The following SFXN5 variants were observed in gnomAD, a reference collection of about 807,000 sequenced individuals.
The protein encoded by SFXN5 is sideroflexin 5, also known as sideroflexin-5.
In SFXN5, 43 loss-of-function variants were observed where a neutral mutation model predicts 50.2. The observed-to-expected ratio is 0.86, with a 90% CI of 0.67 to 1.11. The LOEUF is 1.11. SFXN5 is among the 50% of genes least tolerant of loss of function. SFXN5 has a pLI of 0.00. For missense variants in SFXN5, 463 were observed against 454.1 expected, an observed-to-expected ratio of 1.02 and a Z score of -0.18; for synonymous variants, 203 against 185.8, an observed-to-expected ratio of 1.09 and a Z score of -0.75.
chr2:72,952,532 A>G (rs1672649423), intron 13 of SFXN5, among the ~76,000 whole-genome samples: 1 of 152,184 alleles, frequency 6.6e-6, no homozygotes. Flanking sequence ...GTGGGCAAGA[A>G]TCCTGTCTTA....
At chr2:72,982,256 G>A (rs1467956716) in intron 10 of SFXN5, among the ~76,000 whole-genome samples, 2 of 147,852 alleles carry the variant, frequency 1.4e-5, no homozygotes, top group African/African-American at 4.9e-5. Context: ...GGATGATCTG[G>A]AAAGGGGTGG....
chr2:73,040,886 C>T lies in SFXN5; in HGVS notation c.217G>A (p.Gly73Arg), dbSNP rs1490741624. 6.2e-7 allele frequency: 1 copy of T among 1,613,138 alleles called. No individual in the cohort carries two copies. Among genetic ancestry groups the T allele is most frequent in the Non-Finnish European group, 8.5e-7 (1 of 1,179,660 alleles). Residue 73 changes from glycine to arginine, a missense_variant, in exon 3 of 14, where the codon GGG (glycine) becomes AGG (arginine). By Grantham distance (125) the Gly-to-Arg change is moderately radical. Transcript: ENST00000272433. ...TTGGTGACCCCCGGGCGCAGGGTCCCATGCTTATAGTCCTCCAGCAGCTGC... is the reference window on the plus strand; with the variant it reads ...TTGGTGACCCCCGGGCGCAGGGTCCTATGCTTATAGTCCTCCAGCAGCTGC... ...AVQLLEDYKH[G>R]TLRPGVTNEQ... is the part of the protein sequence containing the mutation.
intron 6 of SFXN5, among the ~76,000 whole-genome samples, chr2:73,008,827 T>G (rs1407788301): frequency 6.6e-6 from 1 of 152,200 alleles, no homozygotes; most frequent in Non-Finnish European, 1.5e-5. Context: ...AATGTTAAGC[T>G]TAAAATAAGA....
At chr2:72,955,284 G>A (rs990548726) in intron 13 of SFXN5, among the ~76,000 whole-genome samples, 7 of 151,838 alleles carry the variant, frequency 4.6e-5, no homozygotes, top group African/African-American at 1.2e-4. Flanking sequence ...TCGCCCGCCC[G>A]CCGCCCGCCC....
intron 3 of SFXN5, among the ~76,000 whole-genome samples, chr2:73,035,587 C>T (rs895162303): frequency 1.1e-4 from 17 of 150,988 alleles, no homozygotes; most frequent in African/African-American, 4.1e-4. Context: ...GCAACCTCCA[C>T]CTCCTGGGTT....
intron 6 of SFXN5, among the ~76,000 whole-genome samples, chr2:73,008,627 G>T (rs1022567295): frequency 6.6e-6 from 1 of 152,200 alleles, no homozygotes; most frequent in Non-Finnish European, 1.5e-5. Context: ...GGGGAAACCT[G>T]GGAAGGGAGA....
chr2:73,018,477 G>A (rs1006314003), intron 6 of SFXN5, among the ~76,000 whole-genome samples: 1 of 152,044 alleles, frequency 6.6e-6, no homozygotes, highest in African/African-American at 2.4e-5. Context: ...CACAAAGACT[G>A]TATTAACAGT....
intron 10 of SFXN5, among the ~76,000 whole-genome samples, chr2:72,982,744 G>A (rs1234686414): frequency 1.3e-5 from 2 of 152,198 alleles, no homozygotes; most frequent in East Asian, 3.9e-4. Flanking sequence ...CCTGGTAGTC[G>A]AGGGAGGGCA....
intron 13 of SFXN5, among the ~76,000 whole-genome samples, chr2:72,947,405 G>T (rs888643671): frequency 6.6e-6 from 1 of 152,242 alleles, no homozygotes; most frequent in Non-Finnish European, 1.5e-5. Flanking sequence ...TAGCTAGAGG[G>T]GGGCAGGTGA....
At position 72,945,031 on chromosome 2, in the gene SFXN5, CTTG is replaced by C; in HGVS notation, c.1011_1013del (p.Asn337del). On this transcript the variant is annotated inframe_deletion, in exon 14 of 14. Coordinates refer to ENST00000272433, the MANE Select transcript of SFXN5 (RefSeq NM_144579.3). This position sits in a 1 kb window ranked among gnomAD's most constrained non-coding sequence, Gnocchi z 5.8. ...AGGCCGCTGACCACACTCACAACCC[CTTG>C]TTGTACACCACTGTCCGGCTGCTCG... 6.2e-7 allele frequency: 1 copy of C among 1,613,884 alleles called. No homozygotes were observed.
In SFXN5 at chr2:72,944,721, T is replaced by C. The variant is rs1447562718; in HGVS notation, c.*301A>G. 4 of 356,356 alleles carry C rather than the reference T, an allele frequency of 1.1e-5. No individual in the cohort carries two copies. Among genetic ancestry groups the C allele is most frequent in the African/African-American group, 8.3e-5 (4 of 48,024 alleles). 22.1% of individuals were successfully genotyped at this position (356,356 alleles called of 1,614,324 possible). On this transcript the variant is annotated 3_prime_UTR_variant, in exon 14 of 14. Coordinates refer to ENST00000272433, the MANE Select transcript of SFXN5 (RefSeq NM_144579.3). ...ATAAAAGGATTCTACTTCTACCCCA[T>C]GGGCACTCTACAATTTTTCAGCTTC... is the stretch of plus-strand genomic sequence containing the variant.
chr2:73,013,477 ACTGT>A (rs1300285791), intron 6 of SFXN5, among the ~76,000 whole-genome samples: 3 of 151,132 alleles, frequency 2.0e-5, no homozygotes, highest in Admixed American at 6.6e-5. Context: ...AGAAGACAAA[ACTGT>A]CTGAACACAC....
chr2:73,041,100 T>C (rs917598370), intron 2 of SFXN5, among the ~76,000 whole-genome samples, 169 bp from the exon 3 acceptor site: 12 of 152,236 alleles, frequency 7.9e-5, no homozygotes, highest in South Asian at 2.1e-4. Flanking sequence ...TAAATGTTCT[T>C]ACTCGGCAGT....
intron 12 of SFXN5, among the ~76,000 whole-genome samples, chr2:72,964,076 T>C (rs1413851260): frequency 1.3e-5 from 2 of 152,078 alleles, no homozygotes; most frequent in Non-Finnish European, 2.9e-5. Flanking sequence ...CTCTTCCCAG[T>C]AGGAAGCCCA....
At chr2:73,029,249 T>C (rs1305594148) in intron 3 of SFXN5, among the ~76,000 whole-genome samples, 1 of 152,188 alleles carries the variant, frequency 6.6e-6, no homozygotes, top group Admixed American at 6.5e-5. Flanking sequence ...GAGTCAGATA[T>C]GAATGAGAAA....
chr2:72,978,401 G>T (rs933580482), intron 10 of SFXN5, among the ~76,000 whole-genome samples: 1 of 151,108 alleles, frequency 6.6e-6, no homozygotes, highest in Non-Finnish European at 1.5e-5. Context: ...TCCTGCCTCA[G>T]CCTCCCAAGT....
At chr2:72,995,819 G>T (rs1010776385) in intron 9 of SFXN5, among the ~76,000 whole-genome samples, 1 of 152,122 alleles carries the variant, frequency 6.6e-6, no homozygotes, top group Admixed American at 6.5e-5. Context: ...TTCTTCAGAG[G>T]TTTTGTGACT....
chr2:73,046,408 CAAAA>C (rs113423799), intron 2 of SFXN5, among the ~76,000 whole-genome samples: 3 of 108,088 alleles, frequency 2.8e-5, no homozygotes. Flanking sequence ...GACTCCATCT[CAAAA>C]AAAAAAAAAA....
intron 1 of SFXN5, among the ~76,000 whole-genome samples, chr2:73,069,489 T>A (rs114484492): frequency 2.9e-3 from 436 of 152,256 alleles, no homozygotes; most frequent in African/African-American, 9.8e-3. Context: ...CAGGGAGCCA[T>A]GCGGGAGGAG....
Sources: gnomAD v4.1 joint callset for allele counts (sites outside exome capture counted in the v4.1 genomes callset) on GRCh38, gnomAD v4.1.1 for gene constraint, Gnocchi (gnomAD v3.1) non-coding constraint, MANE v1.5 for transcripts, NCBI Gene and HGNC (gene_info 2026-07-23, HGNC 2026-07-21) for gene names.